PCDH7: variants seen among roughly 807,000 people sequenced by gnomAD.
PCDH7 encodes protocadherin-7.
Under a neutral mutation model 58.9 loss-of-function variants are expected in PCDH7, and 17 were observed. That is an observed-to-expected ratio of 0.29 (90% confidence interval 0.20 to 0.43). The LOEUF (loss-of-function observed/expected upper bound fraction) is 0.43. Ranked by LOEUF, PCDH7 falls within the 20% of genes least tolerant of loss-of-function variation. PCDH7 has a pLI of 1.00. For missense variants in PCDH7, 1,274 were observed against 1,441.0 expected, an observed-to-expected ratio of 0.88 and a Z score of 1.88; for synonymous variants, 664 against 616.4, an observed-to-expected ratio of 1.08 and a Z score of -1.14.
intron 3 of PCDH7, among the ~76,000 whole-genome samples, chr4:30,993,100 G>A (rs1474025036): frequency 2.0e-5 from 3 of 152,044 alleles, no homozygotes; most frequent in South Asian, 2.1e-4. Context: ...TGCCCGGCCT[G>A]TCCCATTCGT....
intron 1 of PCDH7, among the ~76,000 whole-genome samples, chr4:30,919,865 T>C (rs1466549038): frequency 6.6e-6 from 1 of 152,152 alleles, no homozygotes; most frequent in African/African-American, 2.4e-5. Context: ...TAGAAAAAGG[T>C]TGAATATGTG....
intron 3 of PCDH7, among the ~76,000 whole-genome samples, chr4:31,107,203 T>A (rs1029221541): frequency 1.3e-5 from 2 of 152,190 alleles, no homozygotes; most frequent in African/African-American, 4.8e-5. Flanking sequence ...TATAACTAAG[T>A]ACTATGATAT....
chr4:31,144,771 T>A (rs781252898), downstream of PCDH7: 1 of 152,278 alleles, frequency 6.6e-6, no homozygotes, highest in Non-Finnish European at 1.5e-5. Flanking sequence ...TGTTAGTTTA[T>A]GTATAATAGG....
At chr4:31,001,783 T>G (rs917831844) in intron 3 of PCDH7, among the ~76,000 whole-genome samples, 2 of 152,194 alleles carry the variant, frequency 1.3e-5, no homozygotes, top group African/African-American at 4.8e-5. Flanking sequence ...TGAGAATATT[T>G]ACATAAATTA....
intron 2 of PCDH7, among the ~76,000 whole-genome samples, chr4:30,947,690 T>G (rs556419271): frequency 6.6e-6 from 1 of 152,310 alleles, no homozygotes; most frequent in Non-Finnish European, 1.5e-5. Context: ...ATTTATCATT[T>G]CTTTGTGTTG....
rs570597526 is a variant in PCDH7 at position 30,835,310 on chromosome 4, C to G, written c.71-84843C>G. Among the ~76,000 whole-genome samples, 8 of 152,234 alleles carry G rather than the reference C, an allele frequency of 5.3e-5. No homozygotes were observed. In the South Asian group the frequency reaches 1.7e-3, roughly 32 times the overall value. ...GAGCACAGGCAAGCGAGCATTACTG[C>G]CTGAGCTCTGTCTCCTGCCAGACGA... On this transcript the variant is annotated intron_variant, in intron 1 of 3. Transcript: ENST00000509759.
At chr4:30,909,404 G>C (rs1741427489) in intron 1 of PCDH7, among the ~76,000 whole-genome samples, 1 of 152,180 alleles carries the variant, frequency 6.6e-6, no homozygotes, top group South Asian at 2.1e-4. Flanking sequence ...TCTGTTTGCA[G>C]ATGACATGAT....
intron 1 of PCDH7, among the ~76,000 whole-genome samples, chr4:30,845,526 CAT>C (rs1481657207): frequency 6.6e-6 from 1 of 152,102 alleles, no homozygotes; most frequent in Non-Finnish European, 1.5e-5. Flanking sequence ...CTTAAAAACA[CAT>C]GTTTTTAAGT....
chr4:31,076,985 G>A (rs777048428), intron 3 of PCDH7, among the ~76,000 whole-genome samples: 1 of 151,522 alleles, frequency 6.6e-6, no homozygotes, highest in East Asian at 1.9e-4. Context: ...TCACTGCTTC[G>A]GTACATCCTA....
intron 3 of PCDH7, among the ~76,000 whole-genome samples, chr4:31,040,298 G>A (rs923719291): frequency 6.6e-6 from 1 of 152,034 alleles, no homozygotes; most frequent in Admixed American, 6.6e-5. Flanking sequence ...GGGAATCACT[G>A]TTCTGATGTT....
At chr4:31,013,994 A>T (rs1312827461) in intron 3 of PCDH7, among the ~76,000 whole-genome samples, 3 of 152,202 alleles carry the variant, frequency 2.0e-5, no homozygotes, top group Admixed American at 2.0e-4. Context: ...CAAAGAAATC[A>T]TACAGCAATA....
At position 31,083,039 on chromosome 4, in the gene PCDH7, T is replaced by C. The variant is rs544048606; in HGVS notation, c.*8-59434T>C. On this transcript the variant is annotated intron_variant, in intron 3 of 3. Transcript: ENST00000509759. ...AGGAGAATGGCGTGAACCTGGGAGG[T>C]GGAGCTTGCAATGAGCGGAGATTGC... is the stretch of plus-strand genomic sequence containing the variant. 6.8e-3 allele frequency among the ~76,000 whole-genome samples: 1,038 copies of C among 151,654 alleles called. 23 individuals are homozygous for C. Among genetic ancestry groups the C allele is most frequent in the Non-Finnish European group, 9.2e-3 (625 of 67,922 alleles).
At chr4:31,058,587 C>A (rs2109234087) in intron 3 of PCDH7, among the ~76,000 whole-genome samples, 1 of 152,038 alleles carries the variant, frequency 6.6e-6, no homozygotes, top group Admixed American at 6.6e-5. Context: ...ATTTAATGAG[C>A]TTCCTGAGGA....
intron 1 of PCDH7, among the ~76,000 whole-genome samples, chr4:30,827,660 A>G (rs751802878): frequency 6.6e-6 from 1 of 152,230 alleles, no homozygotes; most frequent in Non-Finnish European, 1.5e-5. Context: ...CTACAAGGCC[A>G]TCAATCTACA....
At chr4:31,066,299 T>C (rs1758084492) in intron 3 of PCDH7, among the ~76,000 whole-genome samples, 1 of 151,988 alleles carries the variant, frequency 6.6e-6, no homozygotes, top group African/African-American at 2.4e-5. Flanking sequence ...CTAATCCAGC[T>C]TGATATTGTG....
chr4:31,052,112 T>C (rs1245389041), intron 3 of PCDH7, among the ~76,000 whole-genome samples: 1 of 152,110 alleles, frequency 6.6e-6, no homozygotes, highest in Non-Finnish European at 1.5e-5. Flanking sequence ...TGTCCCTTTT[T>C]TTGTTGTCTG....
chr4:31,032,500 C>T (rs1030204371), intron 3 of PCDH7, among the ~76,000 whole-genome samples: 1 of 150,692 alleles, frequency 6.6e-6, no homozygotes, highest in African/African-American at 2.4e-5. Context: ...CCCAGCTATC[C>T]AGGAGTCTGA....
chr4:31,037,763 C>T (rs745924910), intron 3 of PCDH7, among the ~76,000 whole-genome samples: 8 of 152,164 alleles, frequency 5.3e-5, no homozygotes, highest in Non-Finnish European at 8.8e-5. Context: ...CTCACTTCTC[C>T]CACCCCTTCT....
intron 2 of PCDH7, among the ~76,000 whole-genome samples, chr4:30,920,938 G>GTT (rs11399074): frequency 2.6e-5 from 4 of 151,130 alleles, no homozygotes; most frequent in African/African-American, 9.7e-5. Flanking sequence ...CAAGTATAAG[G>GTT]TTTTTTTTTA....
Sources: allele counts gnomAD v4.1 joint callset (sites outside exome capture counted in the v4.1 genomes callset), GRCh38; gene constraint gnomAD v4.1.1; transcripts MANE v1.5; gene names NCBI Gene and HGNC (gene_info 2026-07-23, HGNC 2026-07-21).